Variants in NSF observed in about 807,000 individuals in gnomAD.
NSF encodes the protein N-ethylmaleimide sensitive factor, vesicle fusing ATPase, also known as vesicle-fusing ATPase.
A neutral mutation model predicts 50.3 loss-of-function variants in NSF; 14 were observed. The observed-to-expected ratio is 0.28, with a 90% confidence interval of 0.18 to 0.44. The LOEUF (loss-of-function observed/expected upper bound fraction) is 0.44. NSF is among the 20% of genes least tolerant of loss of function. The probability of loss-of-function intolerance (pLI) is 1.00; values close to 1 mark genes in which losing one functional copy is unlikely to be tolerated. For missense variants in NSF, 218 were observed against 504.3 expected, an observed-to-expected ratio of 0.43 and a Z score of 5.44; for synonymous variants, 109 against 175.7, an observed-to-expected ratio of 0.62 and a Z score of 3.00.
chr17:46,752,813 G>T (rs2059194680), intron 19 of NSF, among the ~76,000 whole-genome samples: 1 of 152,026 alleles, frequency 6.6e-6, no homozygotes, highest in Admixed American at 6.5e-5. Context: ...CTGTTGCCCA[G>T]GCTTGAGTAG....
At chr17:46,746,060 T>C (rs1238171433) in intron 17 of NSF, among the ~76,000 whole-genome samples, 1 of 152,198 alleles carries the variant, frequency 6.6e-6, no homozygotes, top group African/African-American at 2.4e-5. Context: ...CTACCTGACA[T>C]CCTTGTGCGT....
At chr17:46,708,005 C>A (rs892619576) in intron 13 of NSF, among the ~76,000 whole-genome samples, 1 of 150,636 alleles carries the variant, frequency 6.6e-6, no homozygotes, top group Non-Finnish European at 1.5e-5. Flanking sequence ...TGCACGCCAG[C>A]CTGGTGACAG....
chr17:46,731,581 G>A (rs949900083), intron 17 of NSF, among the ~76,000 whole-genome samples: 4 of 152,142 alleles, frequency 2.6e-5, no homozygotes, highest in African/African-American at 9.7e-5. Context: ...GAAGTGAGGG[G>A]TGAGCATCCA....
At chr17:46,754,149 C>CTTT (rs71363599) in intron 19 of NSF, among the ~76,000 whole-genome samples, 6 of 134,034 alleles carry the variant, frequency 4.5e-5, no homozygotes, top group African/African-American at 8.3e-5. Flanking sequence ...CCAGCCAGTT[C>CTTT]TTTTTTTTTT....
chr17:46,684,726 C>CA (rs2058480424), intron 9 of NSF, among the ~76,000 whole-genome samples: 1 of 143,876 alleles, frequency 7.0e-6, no homozygotes, highest in Admixed American at 7.1e-5. Flanking sequence ...AAAATTAACT[C>CA]AAGATGGTTT....
chr17:46,747,571 G>A (rs1035021581), intron 17 of NSF, among the ~76,000 whole-genome samples: 1 of 152,010 alleles, frequency 6.6e-6, no homozygotes, highest in African/African-American at 2.4e-5. Context: ...TGAGCCACCG[G>A]CCTCAGAGAT....
At chr17:46,745,797 T>G (rs1323113947) in intron 17 of NSF, among the ~76,000 whole-genome samples, 1 of 152,230 alleles carries the variant, frequency 6.6e-6, no homozygotes, top group Non-Finnish European at 1.5e-5. Flanking sequence ...CCATTAGAAT[T>G]TAGTGTTAAA....
At chr17:46,755,161 G>C (rs758031007) in intron 19 of NSF, among the ~76,000 whole-genome samples, 153 bp from the exon 20 acceptor site, 16 of 152,232 alleles carry the variant, frequency 1.1e-4, no homozygotes, top group African/African-American at 7.2e-5. Flanking sequence ...GCTTTGTTTT[G>C]TGTGAGAATG....
chr17:46,721,570 A>G, intron 15 of NSF: 2 of 1,468,550 alleles, frequency 1.4e-6, no homozygotes, highest in South Asian at 2.3e-5. Flanking sequence ...CTTTTTATTT[A>G]GCCATTTTTG....
chr17:46,751,397 ACAG>A (rs2059180503), intron 18 of NSF, 103 bp from the exon 19 acceptor site: 1 of 770,324 alleles, frequency 1.3e-6, no homozygotes, highest in Admixed American at 2.3e-5. Flanking sequence ...ATCAACTTGA[ACAG>A]TTAGGTAGTT....
intron 15 of NSF, among the ~76,000 whole-genome samples, chr17:46,722,596 G>A (rs9911982): frequency 0.014 from 2,205 of 152,236 alleles, 48 homozygotes; most frequent in African/African-American, 0.051. Flanking sequence ...CCAACTCTGA[G>A]TATCTTCTTA....
At chr17:46,728,163 ATC>A (rs1227715503) in intron 16 of NSF, among the ~76,000 whole-genome samples, 1 of 152,164 alleles carries the variant, frequency 6.6e-6, no homozygotes, top group African/African-American at 2.4e-5. Context: ...TTTACGCTGA[ATC>A]TTGAATTATT....
Position 46,704,847 on chromosome 17 carries a change from T to C in NSF, c.1463T>C (p.Ile488Thr). The C allele has an allele frequency of 3.1e-6, 5 of 1,598,842 alleles. No homozygotes were observed. The highest frequency in any genetic ancestry group is 1.1e-5 in the South Asian group (1 of 87,400). Residue 488 changes from isoleucine to threonine, a missense_variant, in exon 13 of 21, where the codon ATC becomes ACC. This residue lies in a region of NSF where 209 missense variants were observed against 320.9 expected (regional missense o/e 0.65). Transcript: ENST00000398238. ...TTCCTTGCTTCTTTGGAGAATGATA[T>C]CAAACCAGTGAGTATGCCCATTGAG... is the stretch of plus-strand genomic sequence containing the variant. ...GDFLASLEND[I>T]KPAFGTNQED...
intron 10 of NSF, among the ~76,000 whole-genome samples, chr17:46,693,311 T>C (rs2058563785): frequency 6.6e-6 from 1 of 151,084 alleles, no homozygotes; most frequent in Admixed American, 6.6e-5. Flanking sequence ...TTGAAGCTTA[T>C]AGCTCACCCA....
At chr17:46,717,019 T>C (rs756743423) in intron 15 of NSF, among the ~76,000 whole-genome samples, 7 of 152,180 alleles carry the variant, frequency 4.6e-5, no homozygotes, top group Non-Finnish European at 2.9e-5. Flanking sequence ...ATAAATAATA[T>C]ATATCAAAGA....
intron 15 of NSF, among the ~76,000 whole-genome samples, chr17:46,718,476 A>G (rs1198542378): frequency 6.6e-6 from 1 of 152,252 alleles, no homozygotes; most frequent in African/African-American, 2.4e-5. Context: ...TTGTATCAAA[A>G]TGGTGCATGT....
intron 16 of NSF, among the ~76,000 whole-genome samples, chr17:46,727,489 G>A (rs149220130): frequency 6.6e-6 from 1 of 152,164 alleles, no homozygotes; most frequent in Non-Finnish European, 1.5e-5. Context: ...TAATGGTGTA[G>A]TCGTGATTTC....
chr17:46,728,782 AAAAC>A (rs2058918767), intron 16 of NSF, 69 bp from the exon 17 acceptor site: 1 of 1,145,028 alleles, frequency 8.7e-7, no homozygotes, highest in Non-Finnish European at 1.2e-6. Flanking sequence ...GCAAAAAAAA[AAAAC>A]AAAAACTGAA....
chr17:46,713,065 A>G (rs1165014222), intron 14 of NSF: 1 of 152,246 alleles, frequency 6.6e-6, no homozygotes, highest in African/African-American at 2.4e-5. Context: ...AGCCAGTGTA[A>G]ATAATTACAT....
Sources: allele counts gnomAD v4.1 joint callset (sites outside exome capture counted in the v4.1 genomes callset), GRCh38; gene constraint gnomAD v4.1.1; regional missense constraint gnomAD v4.1.1; transcripts MANE v1.5; gene names NCBI Gene and HGNC (gene_info 2026-07-23, HGNC 2026-07-21).